The following SAMD4A variants were observed in gnomAD, a reference collection of about 807,000 sequenced individuals.
The protein encoded by SAMD4A is protein Smaug homolog 1.
Under a neutral mutation model 81.3 loss-of-function variants are expected in SAMD4A, and 33 were observed. The observed-to-expected ratio is 0.41, with a 90% CI of 0.31 to 0.54. SAMD4A has a LOEUF of 0.54. Ranked by LOEUF, SAMD4A falls within the 20% of genes least tolerant of loss-of-function variation. The pLI is 0.37. For missense variants in SAMD4A, 854 were observed against 951.1 expected (o/e 0.90, Z 1.34); for synonymous variants, 389 against 382.1 (o/e 1.02, Z -0.21).
intron 2 of SAMD4A, chr14:54,688,335 G>A (rs1427820500): frequency 2.0e-6 from 2 of 985,482 alleles, no homozygotes; most frequent in African/African-American, 3.5e-5. Context: ...GGCTTCTCTG[G>A]GCTTCTGCAG....
Position 54,702,575 on chromosome 14 carries a change from G to A in SAMD4A, c.710G>A (p.Ser237Asn), listed in dbSNP as rs2036746653. ...TTINTIGTSTSTILSGQAHHS... is the reference protein window; with the variant it reads ...TTINTIGTSTNTILSGQAHHS... The stretch of plus-strand genomic sequence containing the variant: ...ATCAATACGATTGGAACCAGCACAA[G>A]TACAAGTAAGTTCCCCGGAATCCCT... The change falls in exon 3 of 13, where the codon AGT becomes AAT. Residue 237 changes from serine to asparagine, a missense_variant. Around this residue, in one of 3 missense-constraint regions of SAMD4A, gnomAD observed 387 missense variants for 405.8 expected, o/e 0.95. Coordinates refer to ENST00000554335, the MANE Select transcript of SAMD4A (RefSeq NM_015589.6). The A allele has an allele frequency of 6.2e-7, 1 of 1,613,668 alleles. No homozygotes were observed. Among genetic ancestry groups the A allele is most frequent in the Non-Finnish European group, 8.5e-7 (1 of 1,179,674 alleles).
chr14:54,771,900 C>T (rs2038715746), intron 9 of SAMD4A, among the ~76,000 whole-genome samples: 1 of 152,198 alleles, frequency 6.6e-6, no homozygotes, highest in African/African-American at 2.4e-5. Flanking sequence ...GGGACATGAA[C>T]CTTGACCTCT....
At chr14:54,746,850 T>C (rs535075484) in intron 4 of SAMD4A, among the ~76,000 whole-genome samples, 3 of 152,336 alleles carry the variant, frequency 2.0e-5, no homozygotes, top group South Asian at 4.1e-4. Context: ...TTTCAAGATG[T>C]AAATAGCAAA....
intron 2 of SAMD4A, among the ~76,000 whole-genome samples, chr14:54,699,881 G>A (rs763722466): frequency 1.6e-4 from 24 of 152,052 alleles, no homozygotes; most frequent in East Asian, 3.9e-4. Flanking sequence ...TCTTCTCCAC[G>A]TCCTATCTTA....
intron 2 of SAMD4A, among the ~76,000 whole-genome samples, chr14:54,571,205 C>T (rs1444714024): frequency 6.6e-6 from 1 of 152,144 alleles, no homozygotes; most frequent in Admixed American, 6.5e-5. Flanking sequence ...CTGGTTCATC[C>T]TTTGCCTCAG....
chr14:54,776,217 A>G (rs1394656442), intron 10 of SAMD4A, among the ~76,000 whole-genome samples, 197 bp from the exon 11 acceptor site: 1 of 152,146 alleles, frequency 6.6e-6, no homozygotes, highest in East Asian at 1.9e-4. Context: ...ACCACTGAGG[A>G]GGTGAAGAGA....
intron 3 of SAMD4A, among the ~76,000 whole-genome samples, chr14:54,723,289 G>C (rs2037310067): frequency 1.3e-5 from 2 of 152,264 alleles, no homozygotes; most frequent in African/African-American, 4.8e-5. Context: ...ATGAAAAAGA[G>C]ATGCTTTCCA....
intron 2 of SAMD4A, among the ~76,000 whole-genome samples, chr14:54,613,137 AAAGGAAGG>A (rs66698502): frequency 2.1e-5 from 3 of 144,644 alleles, no homozygotes; most frequent in Admixed American, 1.4e-4. Context: ...AGAGAGAGAG[AAAGGAAGG>A]AAGGAAGGAA....
intron 7 of SAMD4A, among the ~76,000 whole-genome samples, chr14:54,763,831 G>T (rs116434592): frequency 0.01 from 1,527 of 152,304 alleles, 25 homozygotes; most frequent in African/African-American, 0.035. Flanking sequence ...TCTACCCGCA[G>T]ACTAACTCTG....
At chr14:54,776,855 AGTGTGTGT>A (rs34095224) in intron 11 of SAMD4A, among the ~76,000 whole-genome samples, 61 of 149,898 alleles carry the variant, frequency 4.1e-4, no homozygotes, top group African/African-American at 1.3e-3. Flanking sequence ...CTCCATGTGT[AGTGTGTGT>A]GTGTGTGTGT....
At chr14:54,784,458 C>T in intron 11 of SAMD4A, 79 bp from the exon 12 acceptor site, 2 of 1,613,640 alleles carry the variant, frequency 1.2e-6, no homozygotes, top group African/African-American at 1.3e-5. Flanking sequence ...GTACACCAGA[C>T]CTTTCTCCTG....
At chr14:54,663,927 C>G (rs984102819) in intron 2 of SAMD4A, among the ~76,000 whole-genome samples, 1 of 152,192 alleles carries the variant, frequency 6.6e-6, no homozygotes, top group South Asian at 2.1e-4. Flanking sequence ...GCTCCCAAAC[C>G]TAAGTATGCC....
intron 9 of SAMD4A, among the ~76,000 whole-genome samples, chr14:54,773,277 G>A (rs549713803): frequency 1.3e-5 from 2 of 152,262 alleles, no homozygotes; most frequent in South Asian, 4.2e-4. Flanking sequence ...CTCTTTCTCA[G>A]GAAATGACTG....
intron 7 of SAMD4A, among the ~76,000 whole-genome samples, chr14:54,764,068 A>T (rs1594913543): frequency 6.6e-6 from 1 of 152,186 alleles, no homozygotes; most frequent in East Asian, 1.9e-4. Context: ...TCATTCATAA[A>T]ATCACGGAGG....
At chr14:54,609,709 T>C (rs1482961661) in intron 2 of SAMD4A, among the ~76,000 whole-genome samples, 1 of 152,212 alleles carries the variant, frequency 6.6e-6, no homozygotes, top group Non-Finnish European at 1.5e-5. Flanking sequence ...ACGCTGCCCT[T>C]TTTTCTCTGC....
chr14:54,724,661 A>G (rs1371244273), intron 3 of SAMD4A, among the ~76,000 whole-genome samples: 2 of 152,194 alleles, frequency 1.3e-5, no homozygotes, highest in African/African-American at 2.4e-5. Context: ...AGGAAACAGC[A>G]AAAACAGAGT....
chr14:54,721,874 G>A (rs2037270946), intron 3 of SAMD4A, among the ~76,000 whole-genome samples: 1 of 152,110 alleles, frequency 6.6e-6, no homozygotes, highest in Non-Finnish European at 1.5e-5. Flanking sequence ...TATCTCTAGG[G>A]CCTAGGTCTT....
chr14:54,784,387 T>C (rs368855239), intron 11 of SAMD4A, 150 bp from the exon 12 acceptor site: 9 of 1,576,160 alleles, frequency 5.7e-6, no homozygotes, highest in Non-Finnish European at 7.8e-6. Flanking sequence ...TAGAGGTTGG[T>C]TGAGCCTGAG....
At chr14:54,710,466 A>G (rs2036960920) in intron 3 of SAMD4A, among the ~76,000 whole-genome samples, 1 of 152,188 alleles carries the variant, frequency 6.6e-6, no homozygotes, top group Non-Finnish European at 1.5e-5. Flanking sequence ...AATGTGACCA[A>G]CATCACAGAC....
Sources: gnomAD v4.1 joint callset for allele counts (sites outside exome capture counted in the v4.1 genomes callset) on GRCh38, gnomAD v4.1.1 for gene constraint, gnomAD v4.1.1 regional missense constraint, MANE v1.5 for transcripts, NCBI Gene and HGNC (gene_info 2026-07-23, HGNC 2026-07-21) for gene names.